PRKCA: variants seen among roughly 807,000 people sequenced by gnomAD.
PRKCA encodes the protein protein kinase C alpha.
A neutral mutation model predicts 87.0 loss-of-function variants in PRKCA; 27 were observed. The observed-to-expected ratio is 0.31, with a 90% CI of 0.23 to 0.43. The LOEUF (loss-of-function observed/expected upper bound fraction) is 0.43, where lower values mean the gene tolerates loss of function less well. Ranked by LOEUF, PRKCA falls within the 20% of genes least tolerant of loss-of-function variation. PRKCA has a pLI of 1.00. For missense variants in PRKCA, 518 were observed against 852.3 expected (o/e 0.61, Z 4.88); for synonymous variants, 329 against 311.1 (o/e 1.06, Z -0.61).
At chr17:66,378,025 T>C (rs1219154533) in intron 2 of PRKCA, among the ~76,000 whole-genome samples, 1 of 152,136 alleles carries the variant, frequency 6.6e-6, no homozygotes, top group East Asian at 1.9e-4. Flanking sequence ...CACATGTTAA[T>C]ATAAAGGTTC....
rs373125445 is a variant in PRKCA at position 66,804,017 on chromosome 17, A to G, written c.1999A>G (p.Ile667Val). The G allele has an allele frequency of 1.2e-5, 20 of 1,612,996 alleles. No individual in the cohort carries two copies. Among genetic ancestry groups the G allele is most frequent in the Non-Finnish European group, 1.5e-5 (18 of 1,179,360 alleles). ...TGTCAACCCCCAGTTTGTGCACCCCATCTTACAGAGTGCAGTATGAAACTC... is the reference window on the plus strand; with the variant it reads ...TGTCAACCCCCAGTTTGTGCACCCCGTCTTACAGAGTGCAGTATGAAACTC... ...SYVNPQFVHP[I>V]LQSAV Residue 667 changes from isoleucine (I) to valine (V), a missense_variant, in exon 17 of 17, where the codon ATC (isoleucine) becomes GTC (valine). Coordinates refer to ENST00000413366, the MANE Select transcript of PRKCA (RefSeq NM_002737.3).
At chr17:66,711,224 A>G (rs1230334603) in intron 8 of PRKCA, among the ~76,000 whole-genome samples, 5 of 152,234 alleles carry the variant, frequency 3.3e-5, no homozygotes, top group Non-Finnish European at 5.9e-5. Context: ...TTTCAATCAC[A>G]TATGAGTTAA....
intron 3 of PRKCA, among the ~76,000 whole-genome samples, chr17:66,557,772 C>A (rs938010732): frequency 6.6e-6 from 1 of 152,074 alleles, no homozygotes; most frequent in Admixed American, 6.5e-5. Context: ...GTACTTTTTC[C>A]CTGTTTTCTT....
At chr17:66,505,017 C>A (rs909231965) in intron 3 of PRKCA, among the ~76,000 whole-genome samples, 2 of 152,154 alleles carry the variant, frequency 1.3e-5, no homozygotes, top group Non-Finnish European at 2.9e-5. Flanking sequence ...CCGCAGATAC[C>A]CTTCTTCACT....
chr17:66,343,164 C>T (rs1300845350), intron 2 of PRKCA, among the ~76,000 whole-genome samples: 5 of 151,748 alleles, frequency 3.3e-5, no homozygotes, highest in Non-Finnish European at 7.4e-5. Context: ...TTTGGTTTAC[C>T]GTGCTGACCA....
intron 2 of PRKCA, among the ~76,000 whole-genome samples, chr17:66,384,307 C>T (rs989933646): frequency 1.3e-5 from 2 of 152,098 alleles, no homozygotes; most frequent in South Asian, 2.1e-4. Flanking sequence ...AATAAAACCT[C>T]CAATTATATC....
Position 66,689,441 on chromosome 17 carries a change from G to C in PRKCA, c.918+394G>C, listed in dbSNP as rs975621664. On this transcript the variant is annotated intron_variant, in intron 8 of 16. Transcript: ENST00000413366. The surrounding 1 kb of genome is among the most constrained non-coding windows in gnomAD (Gnocchi z 4.1). ...TTGGGAGCTCATTTGTGTGTAATCA[G>C]GCTATCATCTGAGACTTTTTTTTTC... Among the ~76,000 whole-genome samples the C allele has an allele frequency of 1.3e-5, 2 of 152,190 alleles. No homozygotes were observed. The highest frequency in any genetic ancestry group is 2.9e-5 in the Non-Finnish European group (2 of 68,034).
At chr17:66,782,241 A>G (rs1975255625) in intron 14 of PRKCA, among the ~76,000 whole-genome samples, 1 of 152,046 alleles carries the variant, frequency 6.6e-6, no homozygotes, top group Admixed American at 6.6e-5. Context: ...CACAATTAAG[A>G]AAAAATAGTC....
chr17:66,783,627 G>A (rs1029450539), intron 14 of PRKCA, among the ~76,000 whole-genome samples: 1 of 152,184 alleles, frequency 6.6e-6, no homozygotes, highest in Admixed American at 6.5e-5. Context: ...TTCCCCAAAC[G>A]ATTCCTGGCC....
Position 66,335,514 on chromosome 17 carries a change from T to C in PRKCA, c.205+29387T>C, listed in dbSNP as rs146993754. Among the ~76,000 whole-genome samples, 1,190 of 151,748 alleles carry C rather than the reference T, an allele frequency of 7.8e-3. 20 individuals carry two copies. Among genetic ancestry groups the C allele is most frequent in the African/African-American group, 0.027 (1,117 of 41,314 alleles). ...GATGATGATGATGATTGCAGAATGG[T>C]GTGAGCGTAGCTAATGCTGTAGAAC... On this transcript the variant is annotated intron_variant, in intron 2 of 16. Coordinates refer to ENST00000413366, the MANE Select transcript of PRKCA (RefSeq NM_002737.3).
intron 2 of PRKCA, among the ~76,000 whole-genome samples, chr17:66,425,069 T>A (rs141787601): frequency 1.3e-5 from 2 of 152,152 alleles, no homozygotes; most frequent in Non-Finnish European, 2.9e-5. Context: ...GCCTGTATAC[T>A]GTTGCTATAT....
chr17:66,704,048 A>C (rs1480449832), intron 8 of PRKCA, among the ~76,000 whole-genome samples: 1 of 152,114 alleles, frequency 6.6e-6, no homozygotes, highest in Admixed American at 6.5e-5. Context: ...TTTCATCTCC[A>C]TGATAATCTT....
At chr17:66,787,004 A>G (rs752139127) in intron 15 of PRKCA, 30 bp downstream of exon 15, 1 of 1,450,010 alleles carries the variant, frequency 6.9e-7, no homozygotes, top group Non-Finnish European at 9.7e-7. Flanking sequence ...TTTTGTGATC[A>G]TGGACCAAGA....
intron 3 of PRKCA, among the ~76,000 whole-genome samples, chr17:66,509,824 T>C (rs1306589105): frequency 6.6e-6 from 1 of 152,204 alleles, no homozygotes; most frequent in East Asian, 1.9e-4. Context: ...CTGTAAATCT[T>C]ATTCATCTCT....
chr17:66,335,866 G>A (rs28463366), intron 2 of PRKCA, among the ~76,000 whole-genome samples: 15,395 of 152,094 alleles, frequency 0.1, 881 homozygotes, highest in South Asian at 0.24. Context: ...TGAGATTACT[G>A]GGCTACATAG....
At position 66,689,837 on chromosome 17, in the gene PRKCA, C is replaced by G. The variant is rs984378538; in HGVS notation, c.918+790C>G. Among the ~76,000 whole-genome samples, 5 of 152,218 alleles carry G rather than the reference C, an allele frequency of 3.3e-5. No individual in the cohort carries two copies. The highest frequency in any genetic ancestry group is 1.2e-4 in the African/African-American group (5 of 41,454). The stretch of plus-strand genomic sequence containing the variant: ...GCTGTTCGAGGGACTCCTAGAGTAG[C>G]CTTTTCAGTCTGTGTAACTGGTTAA... On this transcript the variant is annotated intron_variant, in intron 8 of 16. Coordinates refer to ENST00000413366, the MANE Select transcript of PRKCA (RefSeq NM_002737.3). This position sits in a 1 kb window ranked among gnomAD's most constrained non-coding sequence, Gnocchi z 4.1.
chr17:66,451,206 G>A (rs1182365845), intron 2 of PRKCA, among the ~76,000 whole-genome samples: 1 of 152,192 alleles, frequency 6.6e-6, no homozygotes, highest in Non-Finnish European at 1.5e-5. Context: ...TGCTGGTCTA[G>A]TGAAGCCACA....
intron 3 of PRKCA, among the ~76,000 whole-genome samples, chr17:66,506,211 G>T (rs1878839148): frequency 6.6e-6 from 1 of 151,966 alleles, no homozygotes; most frequent in Non-Finnish European, 1.5e-5. Flanking sequence ...CAGGAGAATT[G>T]CTCAAACCCT....
chr17:66,495,013 G>A (rs1916407194), intron 2 of PRKCA, among the ~76,000 whole-genome samples: 1 of 150,238 alleles, frequency 6.7e-6, no homozygotes. Context: ...GAGGCAGGAG[G>A]ATTTCTTGAA....
Sources: allele counts gnomAD v4.1 joint callset (sites outside exome capture counted in the v4.1 genomes callset), GRCh38; gene constraint gnomAD v4.1.1; non-coding constraint Gnocchi (gnomAD v3.1); transcripts MANE v1.5; gene names NCBI Gene and HGNC (gene_info 2026-07-23, HGNC 2026-07-21).